MSI2: variants seen among roughly 807,000 people sequenced by gnomAD.
MSI2 encodes the protein musashi RNA binding protein 2, also known as RNA-binding protein Musashi homolog 2.
Under a neutral mutation model 45.6 loss-of-function variants are expected in MSI2, and 17 were observed. The observed-to-expected ratio is 0.37, with a 90% CI of 0.26 to 0.56. The LOEUF (loss-of-function observed/expected upper bound fraction) is 0.56. Ranked by LOEUF, MSI2 falls within the 20% of genes least tolerant of loss-of-function variation. The probability of loss-of-function intolerance (pLI) is 0.77; values close to 1 mark genes in which losing one functional copy is unlikely to be tolerated. For synonymous variants in MSI2, 156 were observed against 158.2 expected (o/e 0.99, Z 0.11); for missense variants, 293 against 444.2 (o/e 0.66, Z 3.06).
At chr17:57,526,356 G>GGGGTGTGTGTGTGTGTGTGTGT (rs1342100756) in intron 6 of MSI2, among the ~76,000 whole-genome samples, 1 of 122,562 alleles carries the variant, frequency 8.2e-6, no homozygotes, top group African/African-American at 3.2e-5. Flanking sequence ...GATATACCTG[G>GGGGTGTGTGTGTGTGTGTGTGT]GTGTGTGTGT....
chr17:57,312,483 G>A (rs977437661), intron 5 of MSI2, among the ~76,000 whole-genome samples: 2 of 152,154 alleles, frequency 1.3e-5, no homozygotes, highest in African/African-American at 4.8e-5. Flanking sequence ...GGTGCCTGAT[G>A]AGAGAGAAAG....
intron 7 of MSI2, among the ~76,000 whole-genome samples, chr17:57,590,274 C>G (rs1904705213): frequency 6.6e-6 from 1 of 152,100 alleles, no homozygotes; most frequent in African/African-American, 2.4e-5. Context: ...ATTTTTGAGG[C>G]TAGGAGGAGG....
intron 11 of MSI2, among the ~76,000 whole-genome samples, chr17:57,672,609 C>T (rs935038367): frequency 6.6e-5 from 10 of 150,858 alleles, no homozygotes; most frequent in African/African-American, 1.7e-4. Context: ...GGTTCACATC[C>T]GGCCAGACAA....
chr17:57,479,974 T>C (rs889246001), intron 6 of MSI2, among the ~76,000 whole-genome samples: 4 of 152,196 alleles, frequency 2.6e-5, no homozygotes, highest in African/African-American at 9.6e-5. Flanking sequence ...TACCAACTCA[T>C]GAAGGTCCAT....
At position 57,511,339 on chromosome 17, in the gene MSI2, G is replaced by A. The variant is rs146361650; in HGVS notation, c.406-18337G>A. ...AGTGAGTAGAATAAAAGGTAGAGTGGCGACCCACCCGCTCAAATATATTGA... is the reference window on the plus strand; with the variant it reads ...AGTGAGTAGAATAAAAGGTAGAGTGACGACCCACCCGCTCAAATATATTGA... On this transcript the variant is annotated intron_variant, in intron 6 of 13. Transcript: ENST00000284073. Among the ~76,000 whole-genome samples the A allele has an allele frequency of 5.3e-3, 808 of 152,212 alleles. 7 individuals carry two copies. Among genetic ancestry groups the A allele is most frequent in the African/African-American group, 0.018 (743 of 41,532 alleles).
At chr17:57,354,083 C>T (rs1319912372) in intron 5 of MSI2, among the ~76,000 whole-genome samples, 3 of 152,112 alleles carry the variant, frequency 2.0e-5, no homozygotes, top group African/African-American at 7.2e-5. Flanking sequence ...GATTTTGTTT[C>T]AGGGGGCATA....
intron 6 of MSI2, among the ~76,000 whole-genome samples, chr17:57,472,663 A>G (rs2085460575): frequency 6.6e-6 from 1 of 152,206 alleles, no homozygotes; most frequent in East Asian, 1.9e-4. Context: ...TGGGGATGAT[A>G]CTAGTGGTAA....
intron 7 of MSI2, among the ~76,000 whole-genome samples, chr17:57,568,385 C>G (rs2087789043): frequency 6.6e-6 from 1 of 152,182 alleles, no homozygotes. Flanking sequence ...AGGGAAAATA[C>G]TGGCCATGGC....
At chr17:57,376,572 A>C (rs1474374596) in intron 5 of MSI2, among the ~76,000 whole-genome samples, 1 of 152,130 alleles carries the variant, frequency 6.6e-6, no homozygotes, top group Non-Finnish European at 1.5e-5. Flanking sequence ...GATTGACTGG[A>C]GATCTGGGTT....
chr17:57,329,921 GTTTTTT>G (rs1465427507), intron 5 of MSI2, among the ~76,000 whole-genome samples: 1 of 151,536 alleles, frequency 6.6e-6, no homozygotes, highest in Non-Finnish European at 1.5e-5. Flanking sequence ...GCCTATTAAA[GTTTTTT>G]GTTTTTGTTT....
chr17:57,443,929 T>A (rs923111728), intron 6 of MSI2, among the ~76,000 whole-genome samples: 4 of 152,184 alleles, frequency 2.6e-5, no homozygotes, highest in Non-Finnish European at 5.9e-5. Context: ...TCTCTCCTCC[T>A]GAGTCCAGTG....
intron 6 of MSI2, among the ~76,000 whole-genome samples, chr17:57,480,038 C>T (rs772753654): frequency 6.6e-5 from 10 of 152,100 alleles, no homozygotes; most frequent in African/African-American, 2.4e-4. Flanking sequence ...AGTGCAGTGG[C>T]GCAGTCTCAG....
At chr17:57,313,977 G>A (rs1477979461) in intron 5 of MSI2, among the ~76,000 whole-genome samples, 1 of 152,152 alleles carries the variant, frequency 6.6e-6, no homozygotes, top group African/African-American at 2.4e-5. Context: ...CCACGGACTA[G>A]GCGGCTTCTA....
intron 7 of MSI2, among the ~76,000 whole-genome samples, chr17:57,547,511 T>G (rs550450370): frequency 6.6e-6 from 1 of 151,846 alleles, no homozygotes; most frequent in East Asian, 1.9e-4. Context: ...TGGAGACAAG[T>G]TATGGTAGAT....
At chr17:57,298,750 C>T (rs1911192479) in intron 5 of MSI2, among the ~76,000 whole-genome samples, 1 of 152,180 alleles carries the variant, frequency 6.6e-6, no homozygotes, top group Admixed American at 6.5e-5. Context: ...CTTAAGGGCC[C>T]TAGGAATTTC....
At chr17:57,525,311 G>A (rs2086675078) in intron 6 of MSI2, among the ~76,000 whole-genome samples, 1 of 152,130 alleles carries the variant, frequency 6.6e-6, no homozygotes, top group Non-Finnish European at 1.5e-5. Flanking sequence ...TTGAGACAGG[G>A]TCTCGCTCTG....
At chr17:57,420,777 A>G (rs1383783611) in intron 6 of MSI2, among the ~76,000 whole-genome samples, 1 of 152,216 alleles carries the variant, frequency 6.6e-6, no homozygotes, top group African/African-American at 2.4e-5. Context: ...AGAGAGGCCA[A>G]TGAGGAGCTT....
In MSI2 at chr17:57,403,272, G is replaced by GTC. The variant is rs550014307; in HGVS notation, c.405+1815_405+1816dup. On this transcript the variant is annotated intron_variant, in intron 6 of 13. Transcript: ENST00000284073. ...CGTCCCCAACCCTTGGTTTCTTTCTGTCTCTCTCTCTCTCTTTCTTCCTTT... is the reference window on the plus strand; with the variant it reads ...CGTCCCCAACCCTTGGTTTCTTTCTGTCTCTCTCTCTCTCTCTTTCTTCCTTT... 6.6e-5 allele frequency among the ~76,000 whole-genome samples: 10 copies of GTC among 151,674 alleles called. No individual in the cohort carries two copies. In the East Asian group the frequency reaches 7.7e-4, roughly 12 times the overall value.
intron 7 of MSI2, among the ~76,000 whole-genome samples, chr17:57,575,449 G>A (rs184538710): frequency 1.8e-3 from 278 of 152,258 alleles, no homozygotes; most frequent in African/African-American, 4.1e-3. Flanking sequence ...CCAAGCTGCC[G>A]CAGCCTGGAG....
Sources: gnomAD v4.1 joint callset for allele counts (sites outside exome capture counted in the v4.1 genomes callset) on GRCh38, gnomAD v4.1.1 for gene constraint, MANE v1.5 for transcripts, NCBI Gene and HGNC (gene_info 2026-07-23, HGNC 2026-07-21) for gene names.